The following ADGRB3 variants were observed in gnomAD, a reference collection of about 807,000 sequenced individuals.
The protein encoded by ADGRB3 is adhesion G protein-coupled receptor B3.
A neutral mutation model predicts 193.4 loss-of-function variants in ADGRB3; 37 were observed. That is an observed-to-expected ratio of 0.19 (90% CI 0.15 to 0.25). The LOEUF (loss-of-function observed/expected upper bound fraction) is 0.25, where lower values mean the gene tolerates loss of function less well. ADGRB3 is among the 10% of genes least tolerant of loss of function. The pLI is 1.00. For synonymous variants in ADGRB3, 690 were observed against 644.2 expected (o/e 1.07, Z -1.08); for missense variants, 1,637 against 1,852.9 (o/e 0.88, Z 2.14).
At chr6:69,261,853 T>C (rs1386285364) in intron 20 of ADGRB3, among the ~76,000 whole-genome samples, 2 of 152,022 alleles carry the variant, frequency 1.3e-5, no homozygotes, top group Non-Finnish European at 2.9e-5. Flanking sequence ...AGAATTCCAA[T>C]GGATATTGGT....
At chr6:69,207,734 G>A (rs1215836213) in intron 17 of ADGRB3, among the ~76,000 whole-genome samples, 1 of 152,148 alleles carries the variant, frequency 6.6e-6, no homozygotes, top group African/African-American at 2.4e-5. Flanking sequence ...AGATGATGGG[G>A]AACATGGTAA....
At chr6:69,334,284 T>C (rs1383825195) in intron 24 of ADGRB3, among the ~76,000 whole-genome samples, 8 of 152,170 alleles carry the variant, frequency 5.3e-5, no homozygotes, top group African/African-American at 1.7e-4. Flanking sequence ...CAGTTACTTA[T>C]GAAATTTTAA....
chr6:68,884,060 T>C (rs1416631290), intron 3 of ADGRB3, among the ~76,000 whole-genome samples: 1 of 152,220 alleles, frequency 6.6e-6, no homozygotes, highest in Non-Finnish European at 1.5e-5. Context: ...TGTTTGGCAC[T>C]AAATGTGACA....
At chr6:69,352,818 T>C (rs977021806) in intron 26 of ADGRB3, among the ~76,000 whole-genome samples, 1 of 152,212 alleles carries the variant, frequency 6.6e-6, no homozygotes, top group Non-Finnish European at 1.5e-5. Context: ...ATTATGAATA[T>C]CTCACATCAA....
At chr6:68,919,774 T>G (rs555233639) in intron 3 of ADGRB3, among the ~76,000 whole-genome samples, 11 of 152,198 alleles carry the variant, frequency 7.2e-5, no homozygotes, top group African/African-American at 1.2e-4. Context: ...CAATTGACTT[T>G]CAAGAGAGCA....
intron 3 of ADGRB3, among the ~76,000 whole-genome samples, chr6:68,906,745 T>C (rs1256112651): frequency 2.0e-5 from 3 of 152,016 alleles, no homozygotes; most frequent in Admixed American, 1.3e-4. Flanking sequence ...TTATTAGTTA[T>C]TGTTATAGGT....
chr6:68,670,648 T>G (rs2127293903), intron 3 of ADGRB3, among the ~76,000 whole-genome samples: 1 of 152,208 alleles, frequency 6.6e-6, no homozygotes, highest in East Asian at 1.9e-4. Flanking sequence ...ACCATGCTGT[T>G]TTGGTGACTA....
In ADGRB3 at chr6:69,218,997, G is replaced by A. The variant is rs185051180; in HGVS notation, c.2481-14293G>A. Among the ~76,000 whole-genome samples the A allele has an allele frequency of 1.9e-3, 285 of 152,008 alleles. 1 individual carries two copies. The highest frequency in any genetic ancestry group is 3.2e-3 in the Non-Finnish European group (220 of 67,954). ...GTAGTTACTGTACTTCCCTTCCTAG[G>A]GCTGTTCTTTAAATCTCAGTCTGTC... On this transcript the variant is annotated intron_variant, in intron 17 of 31. Transcript: ENST00000370598.
intron 3 of ADGRB3, among the ~76,000 whole-genome samples, chr6:68,790,195 G>A (rs1767072211): frequency 6.6e-6 from 1 of 152,066 alleles, no homozygotes; most frequent in South Asian, 2.1e-4. Context: ...CCTTGTTTCT[G>A]CCCAACAGAG....
At chr6:68,771,737 A>C (rs1419691858) in intron 3 of ADGRB3, among the ~76,000 whole-genome samples, 1 of 152,150 alleles carries the variant, frequency 6.6e-6, no homozygotes, top group African/African-American at 2.4e-5. Flanking sequence ...AAGGAGAAAC[A>C]GAATGACATG....
chr6:69,293,982 T>C (rs560520950), intron 20 of ADGRB3, among the ~76,000 whole-genome samples: 6 of 152,236 alleles, frequency 3.9e-5, no homozygotes, highest in Admixed American at 6.5e-5. Flanking sequence ...AGCACAAATT[T>C]TGAGGGTCTG....
chr6:69,028,034 T>G (rs992616199), intron 13 of ADGRB3, among the ~76,000 whole-genome samples: 1 of 152,208 alleles, frequency 6.6e-6, no homozygotes, highest in Non-Finnish European at 1.5e-5. Context: ...TGAGCCCATT[T>G]GATTTTTACT....
intron 23 of ADGRB3, 129 bp from the exon 24 acceptor site, chr6:69,332,794 T>C: frequency 6.9e-7 from 1 of 1,439,926 alleles, no homozygotes; most frequent in Non-Finnish European, 9.1e-7. Context: ...TATAAAATGT[T>C]TGAGAGTGCT....
intron 3 of ADGRB3, among the ~76,000 whole-genome samples, chr6:68,835,590 A>G (rs570016672): frequency 6.6e-6 from 1 of 151,510 alleles, no homozygotes; most frequent in Non-Finnish European, 1.5e-5. Context: ...TTTTACCCTG[A>G]CTCTTCCAGC....
chr6:68,687,109 CAT>C (rs1313552470), intron 3 of ADGRB3, among the ~76,000 whole-genome samples: 2 of 151,526 alleles, frequency 1.3e-5, no homozygotes, highest in African/African-American at 2.4e-5. Context: ...TGATATATAT[CAT>C]ATTTTTTCTC....
intron 20 of ADGRB3, among the ~76,000 whole-genome samples, chr6:69,248,653 C>A (rs1766549133): frequency 6.6e-6 from 1 of 152,218 alleles, no homozygotes; most frequent in Non-Finnish European, 1.5e-5. Context: ...TCTGTTGAAT[C>A]TATTCAGTTC....
chr6:68,874,104 A>C (rs922554174), intron 3 of ADGRB3, among the ~76,000 whole-genome samples: 1 of 152,042 alleles, frequency 6.6e-6, no homozygotes, highest in African/African-American at 2.4e-5. Flanking sequence ...AATTTTTATG[A>C]TATATATTTT....
chr6:69,355,706 A>G (rs1769323652), intron 27 of ADGRB3, 115 bp from the exon 28 acceptor site: 1 of 858,360 alleles, frequency 1.2e-6, no homozygotes. Context: ...TGAACAAAAC[A>G]ATAAACTTGT....
At chr6:68,654,398 C>T (rs974406433) in intron 3 of ADGRB3, among the ~76,000 whole-genome samples, 3 of 151,872 alleles carry the variant, frequency 2.0e-5, no homozygotes, top group Non-Finnish European at 2.9e-5. Flanking sequence ...ATGATATGCT[C>T]ATTAATTATA....
Sources: gnomAD v4.1 joint callset for allele counts (sites outside exome capture counted in the v4.1 genomes callset) on GRCh38, gnomAD v4.1.1 for gene constraint, MANE v1.5 for transcripts, NCBI Gene and HGNC (gene_info 2026-07-23, HGNC 2026-07-21) for gene names.